The following MICU3 variants were observed in gnomAD, a reference collection of about 807,000 sequenced individuals.
MICU3 encodes the protein calcium uptake protein 3, mitochondrial.
Under a neutral mutation model 66.5 loss-of-function variants are expected in MICU3, and 62 were observed. The observed-to-expected ratio is 0.93, with a 90% CI of 0.76 to 1.15. The LOEUF (loss-of-function observed/expected upper bound fraction) is 1.15, where lower values mean the gene tolerates loss of function less well. Among genes scored for constraint, MICU3 ranks in the 50% most tolerant of loss-of-function variants. The pLI, the probability that MICU3 is intolerant of heterozygous loss-of-function variation, is 0.00. For missense variants in MICU3, 779 were observed against 664.4 expected (o/e 1.17, Z -1.90); for synonymous variants, 308 against 240.7 (o/e 1.28, Z -2.59).
At chr8:17,083,128 G>T (rs188187711) in intron 5 of MICU3, among the ~76,000 whole-genome samples, 1 of 152,130 alleles carries the variant, frequency 6.6e-6, no homozygotes, top group Admixed American at 6.6e-5. Context: ...AGCTCTGGTT[G>T]GTCGGGTCAA....
intron 8 of MICU3, among the ~76,000 whole-genome samples, chr8:17,096,831 A>T (rs1426793098): frequency 1.3e-5 from 2 of 151,922 alleles, no homozygotes; most frequent in African/African-American, 4.8e-5. Flanking sequence ...GCAAAGCAAG[A>T]AGAAAATTTA....
At chr8:17,136,816 C>G in the MICU3 span, among the ~76,000 whole-genome samples, 5 of 151,674 alleles carry the variant, frequency 3.3e-5, no homozygotes, top group African/African-American at 9.7e-5. Flanking sequence ...AACTGGGGAC[C>G]ACAACTCAGG....
At chr8:17,092,313 C>G (rs1800155365) in intron 8 of MICU3, among the ~76,000 whole-genome samples, 1 of 151,608 alleles carries the variant, frequency 6.6e-6, no homozygotes, top group South Asian at 2.1e-4. Context: ...AAAAATACGT[C>G]TCAGAATAAC....
Position 17,073,669 on chromosome 8 carries a change from T to C in MICU3, c.567+3950T>C, listed in dbSNP as rs199850275. ...AATTGTCTTCCAAGAAACCAGTCCCTGGTGCCAAAAAGGTTGGGGACTGCT... is the reference window on the plus strand; with the variant it reads ...AATTGTCTTCCAAGAAACCAGTCCCCGGTGCCAAAAAGGTTGGGGACTGCT... On this transcript the variant is annotated intron_variant, in intron 3 of 14. Coordinates refer to ENST00000318063, the MANE Select transcript of MICU3 (RefSeq NM_181723.3). Among the ~76,000 whole-genome samples, 22 of 152,288 alleles carry C rather than the reference T, an allele frequency of 1.4e-4. 1 individual carries two copies. In the East Asian group the frequency reaches 3.1e-3, roughly 21 times the overall value.
intron 1 of MICU3, among the ~76,000 whole-genome samples, chr8:17,053,357 C>A (rs567525533): frequency 3.3e-5 from 5 of 152,148 alleles, no homozygotes; most frequent in Non-Finnish European, 7.4e-5. Context: ...TAGACCTTAA[C>A]ACAGAGTAAA....
intron 8 of MICU3, among the ~76,000 whole-genome samples, chr8:17,097,650 C>G (rs1800855199): frequency 6.6e-6 from 1 of 151,722 alleles, no homozygotes; most frequent in Non-Finnish European, 1.5e-5. Context: ...AGCATTTCAT[C>G]TCACATTAAC....
chr8:17,076,495 C>T (rs1342405436), intron 3 of MICU3, among the ~76,000 whole-genome samples: 1 of 152,082 alleles, frequency 6.6e-6, no homozygotes, highest in Admixed American at 6.6e-5. Flanking sequence ...GCATCTTTTA[C>T]CTGCAGTGCA....
intron 11 of MICU3, among the ~76,000 whole-genome samples, chr8:17,109,760 A>T (rs77899095): frequency 6.6e-6 from 1 of 152,238 alleles, no homozygotes; most frequent in African/African-American, 2.4e-5. Context: ...AATTTTTAAA[A>T]TGCCATGGGA....
chr8:17,136,718 C>T, the MICU3 span, among the ~76,000 whole-genome samples: 1 of 152,040 alleles, frequency 6.6e-6, no homozygotes, highest in Non-Finnish European at 1.5e-5. Context: ...TTGGGCAGGG[C>T]ATACGTGACC....
intron 9 of MICU3, among the ~76,000 whole-genome samples, chr8:17,104,041 T>C (rs541705449): frequency 6.6e-6 from 1 of 151,958 alleles, no homozygotes; most frequent in East Asian, 1.9e-4. Context: ...AACTAATTAC[T>C]TGAATAAAAA....
intron 8 of MICU3, among the ~76,000 whole-genome samples, chr8:17,090,890 T>C (rs1281689065): frequency 1.3e-5 from 2 of 152,098 alleles, no homozygotes; most frequent in Non-Finnish European, 2.9e-5. Flanking sequence ...AAGAGTTATG[T>C]AGAGAGAGCA....
At chr8:17,037,465 T>G (rs936568095) in intron 1 of MICU3, among the ~76,000 whole-genome samples, 20 of 152,210 alleles carry the variant, frequency 1.3e-4, no homozygotes, top group African/African-American at 4.8e-4. Flanking sequence ...CTCAGGCCAT[T>G]GCTTCAGAAG....
chr8:17,090,463 C>T (rs763812393), intron 7 of MICU3, 83 bp from the exon 8 acceptor site: 45 of 1,165,290 alleles, frequency 3.9e-5, no homozygotes, highest in Non-Finnish European at 5.3e-5. Flanking sequence ...ATTATTTTGT[C>T]GTCTTTTTCC....
intron 12 of MICU3, 116 bp downstream of exon 12, chr8:17,114,317 G>C: frequency 1.6e-6 from 1 of 614,492 alleles, no homozygotes; most frequent in Middle Eastern, 4.5e-4. Flanking sequence ...GTGAAAGTCC[G>C]GTGTATACTT....
chr8:17,101,972 A>G (rs554963858), intron 9 of MICU3, among the ~76,000 whole-genome samples: 1 of 152,024 alleles, frequency 6.6e-6, no homozygotes, highest in African/African-American at 2.4e-5. Flanking sequence ...TCCTTACCAC[A>G]ACCCTTTGGG....
chr8:17,060,113 A>G (rs1817586306), intron 1 of MICU3, among the ~76,000 whole-genome samples: 1 of 152,232 alleles, frequency 6.6e-6, no homozygotes, highest in African/African-American at 2.4e-5. Context: ...TTGAGTAGAA[A>G]GAGACAAATA....
chr8:17,058,685 T>C (rs1169795318), intron 1 of MICU3, among the ~76,000 whole-genome samples: 1 of 152,238 alleles, frequency 6.6e-6, no homozygotes, highest in East Asian at 1.9e-4. Flanking sequence ...AGCTGCCGCC[T>C]CTTTCTCAGA....
the MICU3 span, among the ~76,000 whole-genome samples, chr8:17,135,732 T>G: frequency 2.6e-4 from 39 of 152,234 alleles, no homozygotes; most frequent in South Asian, 7.7e-3. Flanking sequence ...TTGTTCAAAT[T>G]AACATTTTGC....
At position 17,033,635 on chromosome 8, in the gene MICU3, C is replaced by T. The variant is rs1167203269; in HGVS notation, c.381+5975C>T. Among the ~76,000 whole-genome samples the T allele has an allele frequency of 3.9e-5, 6 of 152,210 alleles. No homozygotes were observed. In the East Asian group the frequency reaches 1.2e-3, roughly 29 times the overall value. On this transcript the variant is annotated intron_variant, in intron 1 of 14. Coordinates refer to ENST00000318063, the MANE Select transcript of MICU3 (RefSeq NM_181723.3). The stretch of plus-strand genomic sequence containing the variant: ...TGTATTTTTAGTAGAGACGGGATTT[C>T]ACTGTGTTTGCCAGGATGGTCTTGA...
Sources: allele counts gnomAD v4.1 joint callset (sites outside exome capture counted in the v4.1 genomes callset), GRCh38; gene constraint gnomAD v4.1.1; transcripts MANE v1.5; gene names NCBI Gene and HGNC (gene_info 2026-07-23, HGNC 2026-07-21).